DPP6: variants seen among roughly 807,000 people sequenced by gnomAD.
The protein encoded by DPP6 is A-type potassium channel modulatory protein DPP6.
Under a neutral mutation model 122.6 loss-of-function variants are expected in DPP6, and 69 were observed. The ratio of observed to expected loss-of-function variants is 0.56; its 90% confidence interval spans 0.46 to 0.69. The LOEUF is 0.69. Ranked by LOEUF, DPP6 falls within the 30% of genes least tolerant of loss-of-function variation. DPP6 has a pLI of 0.00. For synonymous variants in DPP6, 418 were observed against 433.1 expected (o/e 0.97, Z 0.43); for missense variants, 928 against 1,116.9 (o/e 0.83, Z 2.41).
the DPP6 span, among the ~76,000 whole-genome samples, chr7:153,771,463 C>T: frequency 1.3e-5 from 2 of 152,162 alleles, no homozygotes; most frequent in Non-Finnish European, 2.9e-5. Flanking sequence ...CCTCAGCCTC[C>T]CAAGTAGCTG....
intron 1 of DPP6, among the ~76,000 whole-genome samples, chr7:154,318,353 C>T (rs1487121552): frequency 6.6e-6 from 1 of 152,182 alleles, no homozygotes; most frequent in Non-Finnish European, 1.5e-5. Flanking sequence ...TCACATTATC[C>T]TGTAAAGAGG....
intron 16 of DPP6, among the ~76,000 whole-genome samples, chr7:154,828,262 C>T (rs1800341476): frequency 6.6e-6 from 1 of 152,002 alleles, no homozygotes; most frequent in Non-Finnish European, 1.5e-5. Context: ...CTTCAGGGGG[C>T]AAAGTCCTTT....
the DPP6 span, among the ~76,000 whole-genome samples, chr7:153,832,020 T>C: frequency 6.6e-6 from 1 of 152,158 alleles, no homozygotes; most frequent in African/African-American, 2.4e-5. Context: ...GAATGCTGTT[T>C]AGGAGGCTAT....
At chr7:154,022,041 C>G (rs1374120548) in intron 1 of DPP6, among the ~76,000 whole-genome samples, 2 of 152,020 alleles carry the variant, frequency 1.3e-5, no homozygotes, top group Admixed American at 6.6e-5. Context: ...TTCAACTCCC[C>G]CTCTCAATGG....
chr7:154,729,334 A>ATGCC (rs948735807), intron 8 of DPP6, among the ~76,000 whole-genome samples: 2 of 152,322 alleles, frequency 1.3e-5, no homozygotes, highest in Non-Finnish European at 2.9e-5. Context: ...AGTGCTGTGC[A>ATGCC]TGCCTCATTC....
chr7:154,179,004 A>G (rs954738711), intron 1 of DPP6, among the ~76,000 whole-genome samples: 4 of 152,182 alleles, frequency 2.6e-5, no homozygotes, highest in Admixed American at 1.3e-4. Context: ...CCAAAGGGTT[A>G]TGAGTCCCAG....
the DPP6 span, among the ~76,000 whole-genome samples, chr7:153,778,749 G>C: frequency 1.2e-4 from 18 of 152,062 alleles, no homozygotes; most frequent in East Asian, 3.5e-3. Flanking sequence ...ATGTGAAACG[G>C]AGCAGCTACT....
chr7:154,572,505 CTTTTCTTTTTTTTTTTTTTTTTTTTTTT>C (rs1831177189), intron 5 of DPP6, among the ~76,000 whole-genome samples: 3 of 84,256 alleles, frequency 3.6e-5, no homozygotes, highest in African/African-American at 1.3e-4. Context: ...CTTTTTTTTT[CTTTTCTTTTTTTTTTTTTTTTTTTTTTT>C]TTTGGTGGTG....
the DPP6 span, among the ~76,000 whole-genome samples, chr7:153,849,998 A>G: frequency 6.6e-6 from 1 of 152,184 alleles, no homozygotes; most frequent in Admixed American, 6.6e-5. Flanking sequence ...TTTGCATCAT[A>G]TTCTTGTTCC....
intron 5 of DPP6, among the ~76,000 whole-genome samples, chr7:154,571,725 A>T (rs1167766249): frequency 6.6e-6 from 1 of 152,184 alleles, no homozygotes; most frequent in Non-Finnish European, 1.5e-5. Flanking sequence ...AATCCCAATC[A>T]CACAGTCATT....
intron 13 of DPP6, among the ~76,000 whole-genome samples, chr7:154,801,882 G>A (rs546387264): frequency 5.5e-4 from 84 of 152,198 alleles, no homozygotes; most frequent in African/African-American, 1.8e-3. Context: ...ACCTCCACCC[G>A]GAGTTGGATG....
intron 18 of DPP6, among the ~76,000 whole-genome samples, chr7:154,871,312 G>A (rs898940886): frequency 6.6e-6 from 1 of 152,200 alleles, no homozygotes; most frequent in Admixed American, 6.5e-5. Context: ...TCCTTAAAAG[G>A]TGGGTGGGTA....
At chr7:154,458,482 A>C (rs1202069563) in intron 2 of DPP6, among the ~76,000 whole-genome samples, 2 of 152,174 alleles carry the variant, frequency 1.3e-5, no homozygotes, top group African/African-American at 2.4e-5. Context: ...AAAATGGACT[A>C]ATACAAGATG....
At chr7:154,055,926 C>G (rs1029687837) in intron 1 of DPP6, 1 of 152,200 alleles carries the variant, frequency 6.6e-6, no homozygotes, top group Non-Finnish European at 1.5e-5. Flanking sequence ...GTCCTTCTGT[C>G]TGGAAATTGA....
intron 1 of DPP6, among the ~76,000 whole-genome samples, chr7:154,105,243 C>T (rs1273779810): frequency 1.3e-5 from 2 of 152,208 alleles, no homozygotes; most frequent in Admixed American, 1.3e-4. Flanking sequence ...AGAGACCGGG[C>T]CTGAGGTGAT....
intron 1 of DPP6, among the ~76,000 whole-genome samples, chr7:154,029,386 G>A (rs1200381839): frequency 5.3e-5 from 8 of 151,706 alleles, no homozygotes; most frequent in African/African-American, 1.2e-4. Flanking sequence ...GCGCGGTGGC[G>A]GGCGCCTGTA....
rs188305936 is a variant in DPP6, at chr7:154,787,813, C to T, written c.1137-6266C>T. Among the ~76,000 whole-genome samples the T allele has an allele frequency of 3.1e-3, 476 of 152,248 alleles. 2 individuals are homozygous for T. The highest frequency in any genetic ancestry group is 2.9e-3 in the Non-Finnish European group (198 of 68,018). ...TCCAAACTGATCACCATTTTGAAAA[C>T]TTTACCATGTCTTTTCTCTTATTCC... On this transcript the variant is annotated intron_variant, in intron 10 of 25. Transcript: ENST00000377770.
At chr7:154,104,159 C>T (rs1000725826) in intron 1 of DPP6, among the ~76,000 whole-genome samples, 7 of 152,216 alleles carry the variant, frequency 4.6e-5, no homozygotes, top group African/African-American at 1.7e-4. Context: ...CTCACGGAAC[C>T]CACGTGGCCT....
At chr7:154,641,033 C>A (rs1179945521) in intron 6 of DPP6, among the ~76,000 whole-genome samples, 1 of 152,132 alleles carries the variant, frequency 6.6e-6, no homozygotes, top group Non-Finnish European at 1.5e-5. Context: ...CCTCTGATTT[C>A]TGTTGTCCTT....
Sources: gnomAD v4.1 joint callset for allele counts (sites outside exome capture counted in the v4.1 genomes callset) on GRCh38, gnomAD v4.1.1 for gene constraint, MANE v1.5 for transcripts, NCBI Gene and HGNC (gene_info 2026-07-23, HGNC 2026-07-21) for gene names.